The following MALRD1 variants were observed in gnomAD, a reference collection of about 807,000 sequenced individuals.
MALRD1 encodes MAM and LDL-receptor class A domain-containing protein 1.
MALRD1 carries 247 observed loss-of-function variants against 242.1 expected under a neutral mutation model. That is an observed-to-expected ratio of 1.02 (90% confidence interval 0.92 to 1.13). The LOEUF is 1.13. MALRD1 is among the 50% of genes most tolerant of loss of function. The probability of loss-of-function intolerance (pLI) is 0.00; values close to 1 mark genes in which losing one functional copy is unlikely to be tolerated. For missense variants in MALRD1, 2,989 were observed against 2,533.1 expected (o/e 1.18, Z -3.86); for synonymous variants, 995 against 866.6 (o/e 1.15, Z -2.60).
rs1491273025 is a variant in MALRD1 at position 19,502,024 on chromosome 10, AAG to A, written c.5320+3380_5320+3381del. 2.3e-4 allele frequency among the ~76,000 whole-genome samples: 26 copies of A among 111,100 alleles called. 4 individuals carry two copies. The highest frequency in any genetic ancestry group is 8.3e-4 in the African/African-American group (17 of 20,472). 72.9% of individuals were successfully genotyped at this position (111,100 alleles called of 152,430 possible). A position where few individuals can be genotyped will look rare whatever the true frequency, so the allele number is the denominator to read the frequency against. On this transcript the variant is annotated intron_variant, in intron 31 of 39. Transcript: ENST00000454679. ...CAAGATTCTGTCTCAAAAAAAAAAA[AAG>A]AAAAGAAAAGAAAAGAAAAGAAAAG...
At chr10:19,271,215 A>C (rs373843054) in intron 19 of MALRD1, among the ~76,000 whole-genome samples, 5 of 152,242 alleles carry the variant, frequency 3.3e-5, no homozygotes, top group African/African-American at 1.2e-4. Flanking sequence ...ATGGCTAACT[A>C]CAATATATTT....
At chr10:19,233,043 A>T (rs2131702670) in intron 18 of MALRD1, among the ~76,000 whole-genome samples, 1 of 152,290 alleles carries the variant, frequency 6.6e-6, no homozygotes, top group East Asian at 1.9e-4. Flanking sequence ...AATTTTTTTT[A>T]GTTTTAAAAT....
intron 6 of MALRD1, among the ~76,000 whole-genome samples, chr10:19,123,869 A>T (rs1837155059): frequency 6.6e-6 from 1 of 152,148 alleles, no homozygotes; most frequent in South Asian, 2.1e-4. Context: ...TAAACTAACT[A>T]ATCTAATCCC....
At chr10:19,080,185 C>G (rs1032552797) in intron 2 of MALRD1, among the ~76,000 whole-genome samples, 2 of 151,900 alleles carry the variant, frequency 1.3e-5, no homozygotes, top group Non-Finnish European at 2.9e-5. Context: ...TAAAAATGGC[C>G]ATACTGACCA....
intron 36 of MALRD1, among the ~76,000 whole-genome samples, chr10:19,676,393 A>G (rs1316723997): frequency 2.0e-5 from 3 of 152,194 alleles, no homozygotes; most frequent in Non-Finnish European, 4.4e-5. Context: ...TTTAGGCGAA[A>G]TTGATGGGAC....
At chr10:19,683,764 T>G (rs1685835521) in intron 36 of MALRD1, among the ~76,000 whole-genome samples, 1 of 152,158 alleles carries the variant, frequency 6.6e-6, no homozygotes, top group South Asian at 2.1e-4. Context: ...ATTCTTTTAT[T>G]TATTTATTTA....
chr10:19,675,522 G>A (rs1315687457), intron 36 of MALRD1, among the ~76,000 whole-genome samples: 1 of 152,128 alleles, frequency 6.6e-6, no homozygotes, highest in Non-Finnish European at 1.5e-5. Context: ...TGAAATTATT[G>A]GGCCACCCCA....
intron 26 of MALRD1, among the ~76,000 whole-genome samples, chr10:19,360,993 A>G (rs7900845): frequency 0.88 from 134,225 of 151,978 alleles, 59,531 homozygotes; most frequent in African/African-American, 0.94. Context: ...AGTAAGCACC[A>G]TTGCCTAAAC....
intron 36 of MALRD1, among the ~76,000 whole-genome samples, chr10:19,629,473 G>C (rs1160551812): frequency 6.6e-6 from 1 of 152,136 alleles, no homozygotes; most frequent in Non-Finnish European, 1.5e-5. Flanking sequence ...TAGAGTGTAA[G>C]AATCAGGAGA....
In MALRD1 at chr10:19,209,325, A is replaced by C. The variant is rs1287899032; in HGVS notation, c.2636A>C (p.Lys879Thr). 1.9e-6 allele frequency: 3 copies of C among 1,549,864 alleles called. No individual in the cohort carries two copies. Among genetic ancestry groups the C allele is most frequent in the Non-Finnish European group, 2.6e-6 (3 of 1,146,726 alleles). The change falls in exon 18 of 40, where the codon AAA (lysine) becomes ACA (threonine). Residue 879 changes from lysine (K) to threonine (T), a missense_variant. By Grantham distance (78) the Lys-to-Thr change is moderately conservative. Transcript: ENST00000454679. ...TGICNWEQDAKDDFDWTRSQG... is the reference protein window; with the variant it reads ...TGICNWEQDATDDFDWTRSQG... ...ATCTGTAACTGGGAACAAGATGCAA[A>C]AGATGACTTTGATTGGACCAGGAGC... is the stretch of plus-strand genomic sequence containing the variant.
chr10:19,609,916 A>C (rs1164039452), intron 35 of MALRD1, among the ~76,000 whole-genome samples: 1 of 151,960 alleles, frequency 6.6e-6, no homozygotes, highest in African/African-American at 2.4e-5. Context: ...GACATTATAA[A>C]TATAATACTA....
At chr10:19,142,705 T>G (rs1282561770) in intron 10 of MALRD1, among the ~76,000 whole-genome samples, 1 of 152,206 alleles carries the variant, frequency 6.6e-6, no homozygotes, top group Non-Finnish European at 1.5e-5. Flanking sequence ...TGAAAGTACT[T>G]TATTTATAAC....
intron 32 of MALRD1, among the ~76,000 whole-genome samples, chr10:19,539,599 G>A (rs796328611): frequency 3.3e-5 from 5 of 152,088 alleles, no homozygotes; most frequent in African/African-American, 1.2e-4. Flanking sequence ...TGTGTGAGCC[G>A]ATATGGGGGA....
At chr10:19,672,410 G>A (rs1841963237) in intron 36 of MALRD1, among the ~76,000 whole-genome samples, 1 of 135,180 alleles carries the variant, frequency 7.4e-6, no homozygotes, top group South Asian at 2.3e-4. Flanking sequence ...GAGATATATA[G>A]CTTTTTTTTT....
intron 38 of MALRD1, among the ~76,000 whole-genome samples, chr10:19,704,764 C>T (rs1260182236): frequency 2.6e-5 from 4 of 152,076 alleles, no homozygotes; most frequent in African/African-American, 9.7e-5. Context: ...CTGATGAATG[C>T]TATGATAGAA....
intron 33 of MALRD1, among the ~76,000 whole-genome samples, chr10:19,571,453 A>C (rs756806506): frequency 3.9e-5 from 6 of 152,304 alleles, no homozygotes; most frequent in South Asian, 2.1e-4. Flanking sequence ...GTACTTAGCA[A>C]GGAAAACTTC....
chr10:19,471,101 G>T (rs1836467490), intron 29 of MALRD1, among the ~76,000 whole-genome samples: 1 of 151,690 alleles, frequency 6.6e-6, no homozygotes, highest in African/African-American at 2.4e-5. Flanking sequence ...CATTTGAGTT[G>T]ATTTTTTTGT....
At chr10:19,294,646 G>T (rs1841605898) in intron 21 of MALRD1, among the ~76,000 whole-genome samples, 1 of 152,054 alleles carries the variant, frequency 6.6e-6, no homozygotes, top group African/African-American at 2.4e-5. Context: ...TGTGTGCTTG[G>T]TTGTATGTCT....
At chr10:19,690,786 A>G (rs2131819721) in intron 36 of MALRD1, among the ~76,000 whole-genome samples, 1 of 152,078 alleles carries the variant, frequency 6.6e-6, no homozygotes, top group African/African-American at 2.4e-5. Context: ...AGATAGATGG[A>G]TAGAAGATAG....
Sources: allele counts gnomAD v4.1 joint callset (sites outside exome capture counted in the v4.1 genomes callset), GRCh38; gene constraint gnomAD v4.1.1; transcripts MANE v1.5; gene names NCBI Gene and HGNC (gene_info 2026-07-23, HGNC 2026-07-21).